Variants in KCNN2 observed in about 807,000 individuals in gnomAD.
KCNN2 encodes potassium calcium-activated channel subfamily N member 2.
In KCNN2, 24 loss-of-function variants were observed where a neutral mutation model predicts 55.5. That is an observed-to-expected ratio of 0.43 (90% CI 0.31 to 0.61). The LOEUF (loss-of-function observed/expected upper bound fraction) is 0.61, where lower values mean the gene tolerates loss of function less well. Among genes scored for constraint, KCNN2 ranks in the 20% least tolerant of loss-of-function variants. The pLI is 0.08. For missense variants in KCNN2, 754 were observed against 853.6 expected (o/e 0.88, Z 1.45); for synonymous variants, 431 against 336.1 (o/e 1.28, Z -3.09).
intron 2 of KCNN2, among the ~76,000 whole-genome samples, chr5:114,370,945 A>C (rs980207389): frequency 2.1e-5 from 3 of 140,792 alleles, no homozygotes; most frequent in African/African-American, 8.2e-5. Flanking sequence ...GGATACTATT[A>C]GGTAGTTGTT....
At chr5:114,119,870 T>C (rs969775869) in intron 1 of KCNN2, among the ~76,000 whole-genome samples, 1 of 152,162 alleles carries the variant, frequency 6.6e-6, no homozygotes, top group Admixed American at 6.5e-5. Context: ...GAGGCAGACT[T>C]ACTATGTCTT....
chr5:114,386,357 G>A (rs1758285706), intron 2 of KCNN2, among the ~76,000 whole-genome samples: 1 of 151,980 alleles, frequency 6.6e-6, no homozygotes, highest in Admixed American at 6.6e-5. Flanking sequence ...ATTGATTACT[G>A]TATCTCCACC....
At chr5:114,390,700 C>T (rs1409379290) in intron 2 of KCNN2, among the ~76,000 whole-genome samples, 1 of 152,056 alleles carries the variant, frequency 6.6e-6, no homozygotes, top group East Asian at 1.9e-4. Context: ...AGAGTGCAAA[C>T]ACATAATCCA....
chr5:114,125,953 A>G (rs975925212), intron 1 of KCNN2, among the ~76,000 whole-genome samples: 1 of 152,168 alleles, frequency 6.6e-6, no homozygotes, highest in Admixed American at 6.5e-5. Flanking sequence ...TCAGCACATG[A>G]ATTTTGGGAG....
At chr5:114,300,631 T>A (rs73779786) in intron 2 of KCNN2, among the ~76,000 whole-genome samples, 6,406 of 152,278 alleles carry the variant, frequency 0.042, 450 homozygotes, top group African/African-American at 0.15. Flanking sequence ...GAAATGGAGT[T>A]GTTCTCAGTT....
intron 5 of KCNN2, among the ~76,000 whole-genome samples, chr5:114,480,801 C>A (rs1327489351): frequency 6.6e-6 from 1 of 152,018 alleles, no homozygotes; most frequent in African/African-American, 2.4e-5. Context: ...AAAAGGCCAT[C>A]AAAAAAATTC....
chr5:114,476,651 C>T (rs1311684282), intron 5 of KCNN2, among the ~76,000 whole-genome samples: 3 of 151,978 alleles, frequency 2.0e-5, no homozygotes, highest in African/African-American at 4.8e-5. Flanking sequence ...GAACTCCCGA[C>T]CTCAGGTGAT....
chr5:114,403,396 A>G (rs1380938113), intron 2 of KCNN2, among the ~76,000 whole-genome samples: 1 of 152,244 alleles, frequency 6.6e-6, no homozygotes, highest in Non-Finnish European at 1.5e-5. Flanking sequence ...ATAGTCCCTG[A>G]TAGTAATTTC....
At chr5:114,163,461 C>A (rs116761331) in intron 1 of KCNN2, among the ~76,000 whole-genome samples, 383 of 152,180 alleles carry the variant, frequency 2.5e-3, no homozygotes, top group African/African-American at 8.9e-3. Context: ...AGGTATATTC[C>A]TTTAATACCT....
intron 2 of KCNN2, among the ~76,000 whole-genome samples, chr5:114,258,079 T>C (rs1313499916): frequency 6.6e-6 from 1 of 152,220 alleles, no homozygotes; most frequent in African/African-American, 2.4e-5. Flanking sequence ...TCAAATGCTT[T>C]TTTTGCATCT....
chr5:114,086,403 A>G (rs1751016626), intron 1 of KCNN2, among the ~76,000 whole-genome samples: 1 of 151,432 alleles, frequency 6.6e-6, no homozygotes, highest in African/African-American at 2.4e-5. Context: ...ATAGTACCCA[A>G]TAGTTATTTT....
chr5:114,279,838 TG>T (rs1755584034), intron 2 of KCNN2, among the ~76,000 whole-genome samples: 1 of 152,220 alleles, frequency 6.6e-6, no homozygotes, highest in African/African-American at 2.4e-5. Flanking sequence ...CTGGGCCAAA[TG>T]GTATTTCTAG....
chr5:114,224,139 T>A (rs1299980453), intron 2 of KCNN2, among the ~76,000 whole-genome samples: 1 of 152,124 alleles, frequency 6.6e-6, no homozygotes, highest in Non-Finnish European at 1.5e-5. Flanking sequence ...GTAATTCAGC[T>A]GACCACAGAA....
At chr5:114,113,948 C>A (rs373104813) in intron 1 of KCNN2, among the ~76,000 whole-genome samples, 2 of 152,014 alleles carry the variant, frequency 1.3e-5, no homozygotes, top group East Asian at 3.9e-4. Flanking sequence ...GTCAAAATGA[C>A]CTATTTTGGG....
intron 2 of KCNN2, among the ~76,000 whole-genome samples, chr5:114,267,422 C>G (rs963495340): frequency 3.3e-5 from 5 of 152,112 alleles, no homozygotes; most frequent in African/African-American, 1.2e-4. Context: ...GCCCTTTACG[C>G]CTTGCTGGGG....
intron 1 of KCNN2, among the ~76,000 whole-genome samples, chr5:114,148,132 T>A (rs1752442571): frequency 6.6e-6 from 1 of 152,184 alleles, no homozygotes; most frequent in Non-Finnish European, 1.5e-5. Flanking sequence ...GCTGAATTGT[T>A]AATGGAAGGT....
intron 1 of KCNN2, among the ~76,000 whole-genome samples, chr5:114,146,491 CAT>C (rs896135925): frequency 6.6e-6 from 1 of 152,120 alleles, no homozygotes; most frequent in African/African-American, 2.4e-5. Flanking sequence ...AACATGAAAA[CAT>C]ATGTTTTTAA....
At chr5:114,396,712 C>A (rs889634099) in intron 2 of KCNN2, among the ~76,000 whole-genome samples, 52 of 152,022 alleles carry the variant, frequency 3.4e-4, no homozygotes, top group African/African-American at 1.3e-3. Flanking sequence ...CCACACCTGG[C>A]TAATTTTTGT....
chr5:114,063,651 A>G (rs1312541106), intron 1 of KCNN2, among the ~76,000 whole-genome samples: 3 of 152,220 alleles, frequency 2.0e-5, no homozygotes, highest in East Asian at 1.9e-4. Context: ...AATAAAATTC[A>G]TCAGAACATG....
Sources: gnomAD v4.1 joint callset for allele counts (sites outside exome capture counted in the v4.1 genomes callset) on GRCh38, gnomAD v4.1.1 for gene constraint, MANE v1.5 for transcripts, NCBI Gene and HGNC (gene_info 2026-07-23, HGNC 2026-07-21) for gene names.